Variants in BBS5 observed in about 807,000 individuals in gnomAD.
The protein encoded by BBS5 is BBSome complex member BBS5.
BBS5 carries 39 observed loss-of-function variants against 50.2 expected under a neutral mutation model. The observed-to-expected ratio is 0.78, with a 90% confidence interval of 0.60 to 1.01. The LOEUF (loss-of-function observed/expected upper bound fraction) is 1.01, where lower values mean the gene tolerates loss of function less well. BBS5 is among the 50% of genes least tolerant of loss of function. The pLI is 0.00. For missense variants in BBS5, 356 were observed against 401.5 expected (o/e 0.89, Z 0.97); for synonymous variants, 134 against 133.1 (o/e 1.01, Z -0.05).
At position 169,504,692 on chromosome 2, in the gene BBS5, A is replaced by C; in HGVS notation, c.*110A>C. 1 of 1,192,652 alleles carries C rather than the reference A, an allele frequency of 8.4e-7. No individual in the cohort carries two copies. Among genetic ancestry groups the C allele is most frequent in the Non-Finnish European group, 1.2e-6 (1 of 824,834 alleles). 73.9% of individuals were successfully genotyped at this position (1,192,652 alleles called of 1,614,324 possible). ...TTTATATTTACAGCTTTTATATTTA[A>C]AACTTGTAAGAGTTTTTTTAATGAT... is the stretch of plus-strand genomic sequence containing the variant. On this transcript the variant is annotated 3_prime_UTR_variant, in exon 12 of 12. Coordinates refer to ENST00000295240, the MANE Select transcript of BBS5 (RefSeq NM_152384.3).
chr2:169,480,088 T>G (rs529637661), intron 1 of BBS5, among the ~76,000 whole-genome samples: 2 of 152,290 alleles, frequency 1.3e-5, no homozygotes, highest in South Asian at 4.1e-4. Flanking sequence ...AATCCTCATG[T>G]CTGTAAAATA....
rs564695479 is a variant in BBS5 at position 169,487,787 on chromosome 2, C to T, written c.209-19C>T. On this transcript the variant is annotated intron_variant, in intron 3 of 11. Transcript: ENST00000295240. ...TGTACCATATCATGCTCTTTACATT[C>T]TTTGCTTTTGGATTTTAGCTGTCGG... The T allele has an allele frequency of 1.3e-6, 2 of 1,586,542 alleles. No individual in the cohort carries two copies. Among genetic ancestry groups the T allele is most frequent in the African/African-American group, 2.7e-5 (2 of 73,970 alleles).
intron 6 of BBS5, 43 bp from the exon 7 acceptor site, chr2:169,493,698 C>A (rs1559123720): frequency 7.4e-7 from 1 of 1,359,238 alleles, no homozygotes; most frequent in Non-Finnish European, 1.1e-6. Flanking sequence ...GAATAGGTAC[C>A]AAAAAAATGA....
chr2:169,497,735 G>T (rs756585020), intron 8 of BBS5, 46 bp downstream of exon 8: 2 of 1,288,810 alleles, frequency 1.6e-6, no homozygotes, highest in Admixed American at 3.5e-5. Flanking sequence ...TTAAAACTAT[G>T]TGACAGTCTA....
chr2:169,483,541 A>T (rs755104499), intron 2 of BBS5, among the ~76,000 whole-genome samples: 9 of 152,304 alleles, frequency 5.9e-5, no homozygotes, highest in Non-Finnish European at 1.2e-4. Context: ...GTAGCTATAA[A>T]ATTCAGACCT....
intron 2 of BBS5, chr2:169,482,588 G>A (rs1683417036): frequency 6.7e-6 from 3 of 446,368 alleles, no homozygotes; most frequent in African/African-American, 2.0e-5. Context: ...AAGTAGACCT[G>A]TTTGCAAGGG....
At chr2:169,495,846 C>T (rs573564250) in intron 7 of BBS5, among the ~76,000 whole-genome samples, 8 of 152,212 alleles carry the variant, frequency 5.3e-5, no homozygotes, top group South Asian at 2.1e-4. Context: ...TTTGTAGAGA[C>T]GGGGTTTCAC....
chr2:169,492,913 A>G lies in BBS5; in HGVS notation c.426A>G (p.Leu142=). 1 of 1,612,494 alleles carries G rather than the reference A, an allele frequency of 6.2e-7. No homozygotes were observed. Among genetic ancestry groups the G allele is most frequent in the Non-Finnish European group, 8.5e-7 (1 of 1,178,768 alleles). Residue 142 remains leucine (L), a synonymous_variant, in exon 6 of 12, where the codon TTA becomes TTG. Transcript: ENST00000295240. ...CTAAAATGTATCGTGATTTTAAATT[A>G]AGAAGTGCACTAATTCAGAACAAGC... ...ETSKMYRDFK[L]RSALIQNKQL...
At chr2:169,484,565 C>A (rs1471023149) in intron 2 of BBS5, among the ~76,000 whole-genome samples, 1 of 152,182 alleles carries the variant, frequency 6.6e-6, no homozygotes, top group Non-Finnish European at 1.5e-5. Context: ...CAAGTTAAGA[C>A]ATTGCCAAGT....
intron 1 of BBS5, among the ~76,000 whole-genome samples, chr2:169,481,532 G>A (rs1237768693): frequency 6.6e-6 from 1 of 152,084 alleles, no homozygotes; most frequent in Admixed American, 6.6e-5. Flanking sequence ...TTTAAGCAGG[G>A]AAATGATATG....
intron 4 of BBS5, 31 bp downstream of exon 4, chr2:169,487,886 A>T (rs779846684): frequency 6.3e-7 from 1 of 1,578,030 alleles, no homozygotes; most frequent in Non-Finnish European, 8.7e-7. Context: ...TGCAATATAT[A>T]TATAGTAAAG....
intron 8 of BBS5, among the ~76,000 whole-genome samples, chr2:169,498,429 C>G (rs1406448149): frequency 6.6e-6 from 1 of 152,198 alleles, no homozygotes; most frequent in South Asian, 2.1e-4. Context: ...AGTATTTACT[C>G]TGTTCCAAGA....
intron 9 of BBS5, among the ~76,000 whole-genome samples, chr2:169,502,059 T>C (rs1417461995): frequency 6.6e-6 from 1 of 152,132 alleles, no homozygotes; most frequent in Non-Finnish European, 1.5e-5. Context: ...CCTTCCTCCC[T>C]TCCTTTCAGA....
intron 9 of BBS5, among the ~76,000 whole-genome samples, chr2:169,502,861 T>C (rs1477916713): frequency 6.6e-6 from 1 of 152,236 alleles, no homozygotes; most frequent in Non-Finnish European, 1.5e-5. Context: ...CTGAGTATCT[T>C]AAGTATGTGT....
rs1683348109 is a variant in BBS5, at chr2:169,479,568, T to G, written c.15T>G (p.Asp5Glu). 5.0e-6 allele frequency: 8 copies of G among 1,614,194 alleles called. No homozygotes were observed. The highest frequency in any genetic ancestry group is 5.1e-6 in the Non-Finnish European group (6 of 1,179,998). Residue 5 changes from aspartate to glutamate, a missense_variant, in exon 1 of 12, where the codon GAT becomes GAG. By Grantham distance (45) the Asp-to-Glu change is conservative. Coordinates refer to ENST00000295240, the MANE Select transcript of BBS5 (RefSeq NM_152384.3). MSVL[D>E]ALWEDRDVRF... ...CCTTGTTCACCATGTCGGTGCTGGA[T>G]GCGCTTTGGGAGGATCGGGATGTCC... is the stretch of plus-strand genomic sequence containing the variant.
At chr2:169,479,683 G>A in intron 1 of BBS5, 71 bp downstream of exon 1, 1 of 1,539,746 alleles carries the variant, frequency 6.5e-7, no homozygotes, top group Non-Finnish European at 9.0e-7. Context: ...AGGGACCCGC[G>A]GGCGGAGACT....
chr2:169,487,070 T>C lies in BBS5; in HGVS notation c.144T>C (p.Gly48=). 1 of 1,609,154 alleles carries C rather than the reference T, an allele frequency of 6.2e-7. No homozygotes were observed. Among genetic ancestry groups the C allele is most frequent in the Non-Finnish European group, 8.5e-7 (1 of 1,175,778 alleles). Residue 48 remains glycine (G), a splice_region_variant and synonymous_variant, in exon 3 of 12, where the codon GGT becomes GGC. Transcript: ENST00000295240. The part of the protein sequence containing the change: ...EDTKGNNGDR[G]RLLVTNLRIL... ...TATTTTTTGTCTGTGTGCTTTTAGG[T>C]AGACTCTTGGTAACAAATTTAAGAA...
intron 2 of BBS5, among the ~76,000 whole-genome samples, chr2:169,486,402 T>G (rs1220222016): frequency 6.6e-6 from 1 of 152,202 alleles, no homozygotes; most frequent in Non-Finnish European, 1.5e-5. Context: ...AAATTTATTG[T>G]TTTTTTCTTG....
intron 6 of BBS5, 27 bp downstream of exon 6, chr2:169,493,036 T>C: frequency 1.2e-6 from 2 of 1,612,248 alleles, no homozygotes; most frequent in Non-Finnish European, 1.7e-6. Context: ...TAGTGAACCT[T>C]TTGGGACAGT....
Sources: allele counts gnomAD v4.1 joint callset (sites outside exome capture counted in the v4.1 genomes callset), GRCh38; gene constraint gnomAD v4.1.1; transcripts MANE v1.5; gene names NCBI Gene and HGNC (gene_info 2026-07-23, HGNC 2026-07-21).